Variants in ADAMTSL3 observed in about 807,000 individuals in gnomAD.
The protein encoded by ADAMTSL3 is ADAMTS-like protein 3.
A neutral mutation model predicts 201.7 loss-of-function variants in ADAMTSL3; 128 were observed. That is an observed-to-expected ratio of 0.63 (90% CI 0.55 to 0.73). The LOEUF (loss-of-function observed/expected upper bound fraction) is 0.73. ADAMTSL3 is among the 30% of genes least tolerant of loss of function. The probability of loss-of-function intolerance (pLI) is 0.00; values close to 1 mark genes in which losing one functional copy is unlikely to be tolerated. For synonymous variants in ADAMTSL3, 738 were observed against 748.4 expected, an observed-to-expected ratio of 0.99 and a Z score of 0.23; for missense variants, 1,990 against 2,119.6, an observed-to-expected ratio of 0.94 and a Z score of 1.20.
chr15:83,954,231 T>G (rs1265587755), intron 19 of ADAMTSL3, among the ~76,000 whole-genome samples: 1 of 152,214 alleles, frequency 6.6e-6, no homozygotes, highest in Non-Finnish European at 1.5e-5. Flanking sequence ...TATTCTTTTT[T>G]CTTTTGTCTC....
At chr15:83,894,935 A>G (rs1596369430) in intron 13 of ADAMTSL3, among the ~76,000 whole-genome samples, 1 of 152,204 alleles carries the variant, frequency 6.6e-6, no homozygotes, top group East Asian at 1.9e-4. Flanking sequence ...TTGATAGAAG[A>G]TAAGTGGAAC....
At chr15:83,758,196 C>T (rs1427442863) in intron 3 of ADAMTSL3, among the ~76,000 whole-genome samples, 1 of 152,174 alleles carries the variant, frequency 6.6e-6, no homozygotes. Context: ...CTGATAAAGA[C>T]ATACCTGAGA....
intron 13 of ADAMTSL3, among the ~76,000 whole-genome samples, chr15:83,896,774 A>G (rs2065624178): frequency 6.6e-6 from 1 of 152,146 alleles, no homozygotes; most frequent in Admixed American, 6.5e-5. Flanking sequence ...CACTGCTGTA[A>G]AGATACTACC....
chr15:83,789,502 T>G (rs1228394366), intron 4 of ADAMTSL3, among the ~76,000 whole-genome samples: 1 of 152,166 alleles, frequency 6.6e-6, no homozygotes, highest in African/African-American at 2.4e-5. Context: ...CCTTGTTTGT[T>G]TATTCAAGTT....
chr15:83,695,306 A>G (rs1463008341), intron 2 of ADAMTSL3, among the ~76,000 whole-genome samples: 1 of 10,156 alleles, frequency 9.8e-5, no homozygotes, highest in Non-Finnish European at 2.2e-4. Context: ...AGAGAGGGAG[A>G]GAGAAAATTC....
intron 23 of ADAMTSL3, among the ~76,000 whole-genome samples, chr15:84,000,984 T>C (rs890430662): frequency 1.3e-5 from 2 of 152,294 alleles, no homozygotes; most frequent in Non-Finnish European, 1.5e-5. Flanking sequence ...AGCAGGGTAA[T>C]GGTGTGAACC....
At chr15:83,845,822 A>C (rs769185466) in intron 7 of ADAMTSL3, among the ~76,000 whole-genome samples, 1 of 152,192 alleles carries the variant, frequency 6.6e-6, no homozygotes. Context: ...CTTATCTCCC[A>C]TGAACTGCTA....
intron 3 of ADAMTSL3, among the ~76,000 whole-genome samples, chr15:83,770,459 C>T (rs934309275): frequency 5.9e-5 from 9 of 152,132 alleles, no homozygotes; most frequent in East Asian, 1.9e-4. Context: ...CCTACATACG[C>T]GTTCTTTTAC....
intron 12 of ADAMTSL3, among the ~76,000 whole-genome samples, chr15:83,892,139 C>G (rs1167380977): frequency 9.2e-5 from 14 of 151,888 alleles, no homozygotes; most frequent in Admixed American, 5.9e-4. Context: ...TAGCTTGAAC[C>G]CAGGAGGCAG....
intron 8 of ADAMTSL3, among the ~76,000 whole-genome samples, chr15:83,868,169 C>T (rs1480186716): frequency 6.6e-6 from 1 of 152,100 alleles, no homozygotes; most frequent in Non-Finnish European, 1.5e-5. Flanking sequence ...TACACACTAA[C>T]CACCTTGCTG....
intron 20 of ADAMTSL3, among the ~76,000 whole-genome samples, chr15:83,973,417 G>A (rs138841924): frequency 6.6e-6 from 1 of 152,196 alleles, no homozygotes; most frequent in African/African-American, 2.4e-5. Context: ...TTAACCTCCT[G>A]TACTGACCCC....
At chr15:83,754,328 C>T (rs2062685292) in intron 3 of ADAMTSL3, among the ~76,000 whole-genome samples, 1 of 152,030 alleles carries the variant, frequency 6.6e-6, no homozygotes, top group Non-Finnish European at 1.5e-5. Context: ...TTGGGATGTC[C>T]TGAGGCAGTT....
chr15:83,993,459 T>C (rs72748650), intron 23 of ADAMTSL3, among the ~76,000 whole-genome samples: 5,117 of 152,326 alleles, frequency 0.034, 125 homozygotes, highest in Non-Finnish European at 0.05. Flanking sequence ...ATCAGTGGCA[T>C]ATATAATTTT....
rs116188043 is a variant in ADAMTSL3 at position 83,946,174 on chromosome 15, T to C, written c.2490+3092T>C. Among the ~76,000 whole-genome samples the C allele has an allele frequency of 3.6e-3, 552 of 152,348 alleles. 3 individuals are homozygous for C. The highest frequency in any genetic ancestry group is 0.012 in the African/African-American group (516 of 41,572). On this transcript the variant is annotated intron_variant, in intron 19 of 29. Coordinates refer to ENST00000286744, the MANE Select transcript of ADAMTSL3 (RefSeq NM_207517.3). ...AAGAACAAACAGGCCTTCACAGTTA[T>C]ATCCTGCCTGGTGGAACAAACGGTT...
chr15:83,694,452 T>C (rs984575446), intron 2 of ADAMTSL3: 1 of 152,194 alleles, frequency 6.6e-6, no homozygotes, highest in Non-Finnish European at 1.5e-5. Flanking sequence ...GTTCATAGAA[T>C]ACTATTTTCA....
chr15:83,845,508 A>G (rs1044662843), intron 7 of ADAMTSL3, among the ~76,000 whole-genome samples: 6 of 152,218 alleles, frequency 3.9e-5, no homozygotes, highest in African/African-American at 1.2e-4. Context: ...CTGACAATCT[A>G]TCTTCTTAGG....
intron 5 of ADAMTSL3, among the ~76,000 whole-genome samples, chr15:83,805,512 G>A (rs1204810060): frequency 2.0e-5 from 3 of 151,104 alleles, no homozygotes; most frequent in South Asian, 2.1e-4. Flanking sequence ...AGCCAAGATC[G>A]CGCCACTGCA....
rs543971799 is a variant in ADAMTSL3 at position 83,749,319 on chromosome 15, C to A, written c.190-24204C>A. On this transcript the variant is annotated intron_variant, in intron 3 of 29. Transcript: ENST00000286744. The stretch of plus-strand genomic sequence containing the variant: ...CCCTCAGAGAGATGCCTTCCTGCAA[C>A]TAAGTCAACCACCGAAAAGACTGAT... 4.6e-5 allele frequency among the ~76,000 whole-genome samples: 7 copies of A among 152,262 alleles called. No homozygotes were observed. In the South Asian group the frequency reaches 1.2e-3, roughly 27 times the overall value.
intron 11 of ADAMTSL3, 159 bp from the exon 12 acceptor site, chr15:83,891,170 T>C: frequency 1.8e-6 from 1 of 561,916 alleles, no homozygotes. Context: ...ACTAAAGAGA[T>C]GGTGGCTGAA....
Sources: allele counts gnomAD v4.1 joint callset (sites outside exome capture counted in the v4.1 genomes callset), GRCh38; gene constraint gnomAD v4.1.1; transcripts MANE v1.5; gene names NCBI Gene and HGNC (gene_info 2026-07-23, HGNC 2026-07-21).